The following DISC1 variants were observed in gnomAD, a reference collection of about 807,000 sequenced individuals.
The protein encoded by DISC1 is disrupted in schizophrenia 1 protein.
Under a neutral mutation model 84.5 loss-of-function variants are expected in DISC1, and 57 were observed. The observed-to-expected ratio is 0.67, with a 90% CI of 0.55 to 0.84. The LOEUF (loss-of-function observed/expected upper bound fraction) is 0.84, where lower values mean the gene tolerates loss of function less well. Among genes scored for constraint, DISC1 ranks in the 40% least tolerant of loss-of-function variants. The pLI is 0.00. For missense variants in DISC1, 1,000 were observed against 1,057.8 expected, an observed-to-expected ratio of 0.95 and a Z score of 0.76; for synonymous variants, 411 against 415.2, an observed-to-expected ratio of 0.99 and a Z score of 0.12.
intron 9 of DISC1, among the ~76,000 whole-genome samples, chr1:231,936,298 C>T (rs975315941): frequency 2.6e-5 from 4 of 152,090 alleles, no homozygotes; most frequent in Non-Finnish European, 5.9e-5. Context: ...CCATATTCTC[C>T]CAGCATCCAG....
At chr1:231,824,362 A>T (rs1011098409) in intron 9 of DISC1, among the ~76,000 whole-genome samples, 1 of 152,134 alleles carries the variant, frequency 6.6e-6, no homozygotes, top group African/African-American at 2.4e-5. Flanking sequence ...TGGAAGAAAT[A>T]AAAAAAATTC....
At position 231,717,488 on chromosome 1, in the gene DISC1, ACT is replaced by A. The variant is rs1407533210; in HGVS notation, c.1117+15467_1117+15468del. 2.0e-5 allele frequency among the ~76,000 whole-genome samples: 3 copies of A among 151,720 alleles called. No individual in the cohort carries two copies. In the East Asian group the frequency reaches 5.8e-4, roughly 29 times the overall value. ...AGCCAAGGCCCGCCTCCCTCTGCTGACTCTGTCTCACTGAGCCATAGGCGTGG... is the reference window on the plus strand; with the variant it reads ...AGCCAAGGCCCGCCTCCCTCTGCTGACTGTCTCACTGAGCCATAGGCGTGG... On this transcript the variant is annotated intron_variant, in intron 3 of 12. Transcript: ENST00000439617.
chr1:231,678,409 C>T lies in DISC1; in HGVS notation c.68-15417C>T, dbSNP rs115823019. Among the ~76,000 whole-genome samples, 610 of 152,230 alleles carry T rather than the reference C, an allele frequency of 4.0e-3. 10 individuals are homozygous for T. Among genetic ancestry groups the T allele is most frequent in the African/African-American group, 0.012 (516 of 41,546 alleles). On this transcript the variant is annotated intron_variant, in intron 1 of 12. Transcript: ENST00000439617. The stretch of plus-strand genomic sequence containing the variant: ...CTTCCACTATTATGGTTGAAGTCAG[C>T]GGCCATAAGATCATCTATAGACTGA...
intron 9 of DISC1, among the ~76,000 whole-genome samples, chr1:231,910,913 C>T (rs963113532): frequency 2.9e-4 from 44 of 152,110 alleles, no homozygotes; most frequent in African/African-American, 1.0e-3. Flanking sequence ...TGAATTGATC[C>T]CTTTACCATT....
intron 1 of DISC1, among the ~76,000 whole-genome samples, chr1:231,648,094 A>G (rs1007028981): frequency 6.6e-6 from 1 of 152,226 alleles, no homozygotes; most frequent in Non-Finnish European, 1.5e-5. Flanking sequence ...TTCCAACACT[A>G]TGTTGAATAG....
chr1:231,939,001 T>G (rs1389536888), intron 9 of DISC1, among the ~76,000 whole-genome samples: 1 of 152,206 alleles, frequency 6.6e-6, no homozygotes, highest in East Asian at 1.9e-4. Flanking sequence ...TGTCAGCATC[T>G]CAAATGGGTC....
Position 232,031,585 on chromosome 1 carries a change from G to A in DISC1, c.2425+5033G>A, listed in dbSNP as rs995819445. Among the ~76,000 whole-genome samples, 1 of 152,158 alleles carries A rather than the reference G, an allele frequency of 6.6e-6. No individual in the cohort carries two copies. Among genetic ancestry groups the A allele is most frequent in the Admixed American group, 6.5e-5 (1 of 15,278 alleles). ...CAGTATCTAAAGCTTTGTGTGTGAT[G>A]GGCTGGTGCAGATATAGTAGTCACA... On this transcript the variant is annotated intron_variant, in intron 12 of 12. Coordinates refer to ENST00000439617, the MANE Select transcript of DISC1 (RefSeq NM_018662.3). The surrounding 1 kb of genome is among the most constrained non-coding windows in gnomAD (Gnocchi z 4.6).
chr1:231,818,675 G>A, intron 9 of DISC1, 158 bp downstream of exon 9: 3 of 1,444,546 alleles, frequency 2.1e-6, no homozygotes, highest in South Asian at 3.0e-5. Flanking sequence ...AGGTGCCTTG[G>A]CAAACCGAAT....
intron 11 of DISC1, among the ~76,000 whole-genome samples, chr1:232,012,395 A>G (rs1450739060): frequency 1.3e-5 from 2 of 152,186 alleles, no homozygotes; most frequent in Non-Finnish European, 2.9e-5. Context: ...GGTATGGGGA[A>G]ATGATAACAA....
At chr1:231,990,455 G>T (rs1665055905) in intron 10 of DISC1, among the ~76,000 whole-genome samples, 1 of 152,060 alleles carries the variant, frequency 6.6e-6, no homozygotes, top group Non-Finnish European at 1.5e-5. Context: ...GGTGGTAGGA[G>T]ATCGGGGGTG....
intron 9 of DISC1, among the ~76,000 whole-genome samples, chr1:231,904,900 A>C (rs2088513646): frequency 6.6e-6 from 1 of 152,202 alleles, no homozygotes; most frequent in Non-Finnish European, 1.5e-5. Context: ...ATCGAGCATA[A>C]AAATAAATAA....
chr1:231,748,003 A>G (rs1379954001), intron 3 of DISC1, among the ~76,000 whole-genome samples: 2 of 152,202 alleles, frequency 1.3e-5, no homozygotes, highest in East Asian at 1.9e-4. Flanking sequence ...GTTATTGTAA[A>G]TGAAATTTCC....
chr1:231,789,261 G>A (rs934830834), intron 6 of DISC1, among the ~76,000 whole-genome samples: 5 of 152,310 alleles, frequency 3.3e-5, no homozygotes, highest in African/African-American at 1.2e-4. Context: ...GGTCAAGGCA[G>A]TGGACCCTGC....
chr1:231,861,452 GTTTTTTTTTTTT>G (rs59522401), intron 9 of DISC1, among the ~76,000 whole-genome samples: 2 of 88,968 alleles, frequency 2.2e-5, no homozygotes, highest in Non-Finnish European at 4.4e-5. Context: ...ATTTTGACAA[GTTTTTTTTTTTT>G]TTTTTTTTTT....
chr1:231,996,289 G>T (rs1164333232), intron 10 of DISC1, among the ~76,000 whole-genome samples: 1 of 152,166 alleles, frequency 6.6e-6, no homozygotes, highest in East Asian at 1.9e-4. Flanking sequence ...CATTTTGTAG[G>T]TTGCCTGTTC....
At chr1:231,812,230 A>AT (rs1416324132) in intron 8 of DISC1, among the ~76,000 whole-genome samples, 1 of 151,778 alleles carries the variant, frequency 6.6e-6, no homozygotes, top group African/African-American at 2.4e-5. Context: ...TAATTTTTTA[A>AT]TTTTTTTGTA....
chr1:231,948,773 T>G (rs1480881154), intron 9 of DISC1, among the ~76,000 whole-genome samples: 3 of 151,890 alleles, frequency 2.0e-5, no homozygotes, highest in Non-Finnish European at 4.4e-5. Flanking sequence ...TCTATCATGA[T>G]GCCCAGGGCA....
intron 1 of DISC1, among the ~76,000 whole-genome samples, chr1:231,677,390 C>T (rs938593121): frequency 6.6e-6 from 1 of 152,190 alleles, no homozygotes; most frequent in Non-Finnish European, 1.5e-5. Flanking sequence ...TAGCTCTTCT[C>T]TCTTTTTAAA....
chr1:231,996,456 A>G (rs920875975), intron 10 of DISC1, among the ~76,000 whole-genome samples: 1 of 152,158 alleles, frequency 6.6e-6, no homozygotes, highest in Non-Finnish European at 1.5e-5. Context: ...GTTCTCTTCT[A>G]GGGTTTTTTT....
Sources: gnomAD v4.1 joint callset for allele counts (sites outside exome capture counted in the v4.1 genomes callset) on GRCh38, gnomAD v4.1.1 for gene constraint, Gnocchi (gnomAD v3.1) non-coding constraint, MANE v1.5 for transcripts, NCBI Gene and HGNC (gene_info 2026-07-23, HGNC 2026-07-21) for gene names.